TERB1: variants seen among roughly 807,000 people sequenced by gnomAD.
The protein encoded by TERB1 is telomere repeats-binding bouquet formation protein 1.
In TERB1, 63 loss-of-function variants were observed where a neutral mutation model predicts 92.3. That is an observed-to-expected ratio of 0.68 (90% CI 0.56 to 0.84). The LOEUF (loss-of-function observed/expected upper bound fraction) is 0.84, where lower values mean the gene tolerates loss of function less well. Among genes scored for constraint, TERB1 ranks in the 40% least tolerant of loss-of-function variants. TERB1 has a pLI of 0.00. For missense variants in TERB1, 709 were observed against 843.7 expected (o/e 0.84, Z 1.98); for synonymous variants, 252 against 283.9 (o/e 0.89, Z 1.13).
Position 66,767,562 on chromosome 16 carries a change from T to C in TERB1, c.1685-52A>G, listed in dbSNP as rs2018369258. ...TTTTGGATTAATGAAAAGAATCAGA[T>C]ATTTTCAGGATTTATTAAATATCAA... is the stretch of plus-strand genomic sequence containing the variant. On this transcript the variant is annotated intron_variant, in intron 15 of 18. Coordinates refer to ENST00000433154, the MANE Select transcript of TERB1 (RefSeq NM_001136505.2). 3.2e-5 allele frequency: 26 copies of C among 823,980 alleles called. 1 individual carries two copies. The South Asian group carries it at 4.0e-4, about 13-fold the overall frequency. The allele number at this position is 823,980 out of a possible 1,614,324, so 51.0% of individuals were successfully genotyped here. A position where few individuals can be genotyped will look rare whatever the true frequency, so the allele number is the denominator to read the frequency against.
chr16:66,758,873 G>C (rs374037813), intron 17 of TERB1, 35 bp from the exon 18 acceptor site: 1 of 1,338,428 alleles, frequency 7.5e-7, no homozygotes, highest in Non-Finnish European at 1.0e-6. Context: ...CACATTTAGC[G>C]TATCAATCTG....
intron 13 of TERB1, among the ~76,000 whole-genome samples, chr16:66,770,971 C>A (rs891497977): frequency 2.0e-5 from 3 of 152,266 alleles, no homozygotes; most frequent in Non-Finnish European, 4.4e-5. Context: ...CCACCTCACC[C>A]TCCTGAGTAG....
At chr16:66,766,558 CATATT>C in intron 16 of TERB1, among the ~76,000 whole-genome samples, 1 of 152,266 alleles carries the variant, frequency 6.6e-6, no homozygotes, top group East Asian at 1.9e-4. Context: ...GAAACATTTA[CATATT>C]ATAAATATAA....
intron 16 of TERB1, among the ~76,000 whole-genome samples, chr16:66,761,109 C>CAAAAAAAAAAAAAAAAAAAAAAAAAA (rs34199990): frequency 1.4e-5 from 1 of 71,140 alleles, no homozygotes; most frequent in Non-Finnish European, 2.6e-5. Flanking sequence ...GACTCCACCT[C>CAAAAAAAAAAAAAAAAAAAAAAAAAA]AAAAAAAAAA....
chr16:66,767,991 G>A (rs1371829859), intron 15 of TERB1, 113 bp downstream of exon 15: 31 of 825,402 alleles, frequency 3.8e-5, no homozygotes, highest in Non-Finnish European at 2.0e-6. Flanking sequence ...GCCTCCCAAA[G>A]TGCTGGGATT....
chr16:66,772,774 G>A (rs771210509), intron 12 of TERB1, 25 bp from the exon 13 acceptor site: 1 of 1,502,348 alleles, frequency 6.7e-7, no homozygotes, highest in Non-Finnish European at 8.9e-7. Flanking sequence ...AAAAAACAAT[G>A]AATGAAAAGT....
Position 66,758,763 on chromosome 16 carries a change from A to G in TERB1, c.1996+10T>C. On this transcript the variant is annotated intron_variant, in intron 18 of 18. Transcript: ENST00000433154. ...CTCAAGAAAAAAAAAATTAAATTAA[A>G]TATATTCACTTATTCCTCCAGGGGT... 1 of 1,488,320 alleles carries G rather than the reference A, an allele frequency of 6.7e-7. No individual in the cohort carries two copies. Among genetic ancestry groups the G allele is most frequent in the Non-Finnish European group, 9.2e-7 (1 of 1,091,392 alleles). 92.2% of individuals were successfully genotyped at this position (1,488,320 alleles called of 1,614,324 possible). A position where few individuals can be genotyped will look rare whatever the true frequency, so the allele number is the denominator to read the frequency against.
chr16:66,787,362 T>TA (rs2018748018), intron 6 of TERB1, among the ~76,000 whole-genome samples: 3 of 151,780 alleles, frequency 2.0e-5, no homozygotes, highest in Admixed American at 2.0e-4. Context: ...CTCCTGGGCT[T>TA]AAGGGATCCT....
intron 14 of TERB1, among the ~76,000 whole-genome samples, chr16:66,768,961 C>T (rs1289998326): frequency 4.0e-5 from 6 of 151,876 alleles, no homozygotes; most frequent in African/African-American, 1.2e-4. Flanking sequence ...AAAAATTAGC[C>T]GGGCGTGGTG....
At chr16:66,798,625 G>C (rs1479961350) in intron 2 of TERB1, among the ~76,000 whole-genome samples, 1 of 152,164 alleles carries the variant, frequency 6.6e-6, no homozygotes, top group African/African-American at 2.4e-5. Flanking sequence ...TAACCAAAAA[G>C]AGTATAAGAC....
chr16:66,778,849 G>A lies in TERB1; in HGVS notation c.853+14C>T. ...AATTCAATTTCAAAAAAACTAGTAA[G>A]CACTGTCACTCACGATTATCAGCAA... On this transcript the variant is annotated intron_variant, in intron 10 of 18. Coordinates refer to ENST00000433154, the MANE Select transcript of TERB1 (RefSeq NM_001136505.2). The A allele has an allele frequency of 6.8e-7, 1 of 1,472,480 alleles. No homozygotes were observed. The allele number at this position is 1,472,480 out of a possible 1,614,324, so 91.2% of individuals were successfully genotyped here.
chr16:66,770,725 C>T (rs1216220404), intron 13 of TERB1, among the ~76,000 whole-genome samples: 1 of 151,988 alleles, frequency 6.6e-6, no homozygotes, highest in Non-Finnish European at 1.5e-5. Context: ...TTTAATTCTT[C>T]TAGAGACCAA....
chr16:66,790,568 A>G, intron 5 of TERB1, 27 bp downstream of exon 5: 1 of 1,471,948 alleles, frequency 6.8e-7, no homozygotes, highest in East Asian at 2.5e-5. Flanking sequence ...TGCTTAAAGT[A>G]TAATGAAATA....
intron 11 of TERB1, among the ~76,000 whole-genome samples, chr16:66,776,546 A>C (rs956850956): frequency 3.9e-5 from 6 of 152,030 alleles, no homozygotes; most frequent in African/African-American, 1.4e-4. Flanking sequence ...AAAGTAAGGG[A>C]AGGAAGAAAG....
intron 3 of TERB1, among the ~76,000 whole-genome samples, chr16:66,793,590 C>A (rs2145245001): frequency 6.6e-6 from 1 of 152,252 alleles, no homozygotes; most frequent in African/African-American, 2.4e-5. Context: ...TGGCTCACTG[C>A]AACCTCTGCC....
At chr16:66,776,158 C>T (rs2018544773) in intron 11 of TERB1, among the ~76,000 whole-genome samples, 1 of 151,712 alleles carries the variant, frequency 6.6e-6, no homozygotes, top group African/African-American at 2.4e-5. Flanking sequence ...GGAGAAACCC[C>T]GTCTCTACTA....
intron 16 of TERB1, among the ~76,000 whole-genome samples, chr16:66,765,213 C>A (rs1033091426): frequency 6.6e-6 from 1 of 152,126 alleles, no homozygotes; most frequent in African/African-American, 2.4e-5. Context: ...CCATCTCATA[C>A]AAACTAAGCA....
chr16:66,770,852 A>G (rs2018435367), intron 13 of TERB1, among the ~76,000 whole-genome samples: 1 of 151,810 alleles, frequency 6.6e-6, no homozygotes, highest in Non-Finnish European at 1.5e-5. Flanking sequence ...CAGGATATAC[A>G]TATATATATA....
rs1250826319 is a variant in TERB1 at position 66,770,304 on chromosome 16, T to G, written c.1278A>C (p.Glu426Asp). Reference sequence around the variant, plus strand: ...TATCCTGATAGTTTTCTCTTTGTATTTCTTCCTATAGTGTAAAAATGACAA... The same window carrying G: ...TATCCTGATAGTTTTCTCTTTGTATGTCTTCCTATAGTGTAAAAATGACAA... ...EQLEREGNEE[E>D]IQRENYQDNI... Residue 426 changes from glutamate (E) to aspartate (D), a missense_variant, in exon 14 of 19, where the codon GAA becomes GAC. By Grantham distance (45) the Glu-to-Asp change is conservative. Transcript: ENST00000433154. 7.2e-6 allele frequency: 11 copies of G among 1,527,858 alleles called. No individual in the cohort carries two copies. The highest frequency in any genetic ancestry group is 8.9e-6 in the Non-Finnish European group (10 of 1,128,552). The allele number at this position is 1,527,858 out of a possible 1,614,324, so 94.6% of individuals were successfully genotyped here.
Sources: gnomAD v4.1 joint callset for allele counts (sites outside exome capture counted in the v4.1 genomes callset) on GRCh38, gnomAD v4.1.1 for gene constraint, MANE v1.5 for transcripts, NCBI Gene and HGNC (gene_info 2026-07-23, HGNC 2026-07-21) for gene names.